The following BLM variants were observed in gnomAD, a reference collection of about 807,000 sequenced individuals.
BLM encodes the protein BLM RecQ like helicase.
In BLM, 95 loss-of-function variants were observed where a neutral mutation model predicts 135.3. That is an observed-to-expected ratio of 0.70 (90% CI 0.59 to 0.83). The LOEUF (loss-of-function observed/expected upper bound fraction) is 0.83. Among genes scored for constraint, BLM ranks in the 40% least tolerant of loss-of-function variants. The pLI is 0.00. For synonymous variants in BLM, 520 were observed against 589.2 expected (o/e 0.88, Z 1.70); for missense variants, 1,518 against 1,663.9 (o/e 0.91, Z 1.53).
chr15:90,722,333 T>A (rs1894791772), intron 1 of BLM, among the ~76,000 whole-genome samples: 4 of 152,012 alleles, frequency 2.6e-5, no homozygotes, highest in African/African-American at 9.7e-5. Flanking sequence ...ATGGTCTCGA[T>A]CTCCTGACCT....
chr15:90,799,626 T>TAAAAAAAAAAAAAAA (rs10600094), intron 17 of BLM, among the ~76,000 whole-genome samples: 1 of 108,746 alleles, frequency 9.2e-6, no homozygotes, highest in African/African-American at 3.7e-5. Context: ...AAGATGCCTG[T>TAAAAAAAAAAAAAAA]AAAAAAAAAA....
chr15:90,751,412 G>A (rs535163395), intron 3 of BLM, among the ~76,000 whole-genome samples: 1 of 152,178 alleles, frequency 6.6e-6, no homozygotes, highest in Non-Finnish European at 1.5e-5. Context: ...AAGATGATTT[G>A]TACAAGCAGC....
intron 17 of BLM, among the ~76,000 whole-genome samples, chr15:90,801,836 G>A (rs1446329563): frequency 6.6e-6 from 1 of 152,148 alleles, no homozygotes; most frequent in East Asian, 1.9e-4. Flanking sequence ...CAGACGGATT[G>A]CTTGAGCCCA....
Position 90,762,866 on chromosome 15 carries a change from G to A in BLM, c.1883-100G>A, listed in dbSNP as rs1448361809. ...AAGAGTTTAAGAACTGTGCTGCAGG[G>A]AAACGTGTGCCAGTGATTCTGCAGG... On this transcript the variant is annotated intron_variant, in intron 7 of 21. Coordinates refer to ENST00000355112, the MANE Select transcript of BLM (RefSeq NM_000057.4). The A allele has an allele frequency of 3.6e-6, 4 of 1,106,000 alleles. No homozygotes were observed. The South Asian group carries it at 4.3e-5, about 12-fold the overall frequency. 68.5% of individuals were successfully genotyped at this position (1,106,000 alleles called of 1,614,324 possible).
chr15:90,775,530 GTA>G (rs71939853), intron 12 of BLM, among the ~76,000 whole-genome samples: 12,985 of 148,068 alleles, frequency 0.088, 894 homozygotes, highest in African/African-American at 0.19. Flanking sequence ...GTGTGTGTGT[GTA>G]TTTTAGACCA....
intron 14 of BLM, among the ~76,000 whole-genome samples, chr15:90,788,124 G>C (rs1896801141): frequency 1.3e-5 from 2 of 152,072 alleles, no homozygotes; most frequent in Non-Finnish European, 2.9e-5. Flanking sequence ...AAATGGGGTG[G>C]GGTGGAAATT....
chr15:90,742,583 A>C (rs1294540865), intron 1 of BLM, among the ~76,000 whole-genome samples: 1 of 151,560 alleles, frequency 6.6e-6, no homozygotes, highest in Non-Finnish European at 1.5e-5. Context: ...GTTTTTCTCC[A>C]TCCCATGTCT....
intron 15 of BLM, among the ~76,000 whole-genome samples, chr15:90,792,128 G>C (rs1389646604): frequency 8.2e-6 from 1 of 121,720 alleles, no homozygotes; most frequent in Non-Finnish European, 1.6e-5. Flanking sequence ...TCTCGCTCTT[G>C]TTGCCTAGGC....
chr15:90,771,873 ATATT>A (rs965805685), intron 12 of BLM, among the ~76,000 whole-genome samples: 4 of 152,102 alleles, frequency 2.6e-5, no homozygotes, highest in Non-Finnish European at 4.4e-5. Context: ...AACAGTGTAC[ATATT>A]TATTTATTTA....
chr15:90,787,582 T>C (rs1896784758), intron 14 of BLM, among the ~76,000 whole-genome samples: 1 of 152,110 alleles, frequency 6.6e-6, no homozygotes, highest in Non-Finnish European at 1.5e-5. Context: ...GAGAAAGATA[T>C]AAGAAGACTT....
intron 1 of BLM, among the ~76,000 whole-genome samples, chr15:90,717,834 C>T (rs1378410829): frequency 6.6e-6 from 1 of 152,244 alleles, no homozygotes; most frequent in Non-Finnish European, 1.5e-5. Flanking sequence ...TGTACTTTTT[C>T]TGTGGCCTTC....
intron 12 of BLM, among the ~76,000 whole-genome samples, chr15:90,780,616 A>G (rs1474671692): frequency 6.6e-6 from 1 of 152,206 alleles, no homozygotes; most frequent in Non-Finnish European, 1.5e-5. Flanking sequence ...AGATTCACCC[A>G]ACTGTATATC....
intron 5 of BLM, among the ~76,000 whole-genome samples, chr15:90,757,042 A>T (rs1445383804): frequency 6.6e-6 from 1 of 152,200 alleles, no homozygotes; most frequent in Non-Finnish European, 1.5e-5. Context: ...CCAGTCTAGT[A>T]ATCCTTTTAA....
rs762713320 is a variant in BLM at position 90,749,786 on chromosome 15, C to A, written c.518C>A (p.Pro173His). The change falls in exon 3 of 22, where the codon CCC becomes CAC. Residue 173 changes from proline (P) to histidine (H), a missense_variant. Pro to His is a moderately conservative substitution (Grantham distance 77, BLOSUM62 -2). This residue lies in a region of BLM where 724 missense variants were observed against 756.9 expected (regional missense o/e 0.96). Coordinates refer to ENST00000355112, the MANE Select transcript of BLM (RefSeq NM_000057.4). ...ACTTCAAAATCATTTGTTACACCAC[C>A]CCAAAGTCACTTTGTAAGAGTAAGC... ...SETSKSFVTP[P>H]QSHFVRVSTA... 1 of 1,611,350 alleles carries A rather than the reference C, an allele frequency of 6.2e-7. No individual in the cohort carries two copies. Among genetic ancestry groups the A allele is most frequent in the Non-Finnish European group, 8.5e-7 (1 of 1,178,616 alleles).
chr15:90,783,347 T>C (rs1247688332), intron 13 of BLM, among the ~76,000 whole-genome samples: 1 of 152,154 alleles, frequency 6.6e-6, no homozygotes, highest in East Asian at 1.9e-4. Context: ...TGGAGAATAT[T>C]TTTGGTATTT....
At chr15:90,717,993 T>C (rs1338504947) in intron 1 of BLM, among the ~76,000 whole-genome samples, 2 of 152,228 alleles carry the variant, frequency 1.3e-5, no homozygotes, top group African/African-American at 4.8e-5. Flanking sequence ...GTTCGAATTC[T>C]GGCTCCTTCA....
In BLM at chr15:90,794,426, A is replaced by C. The variant is rs1262014941; in HGVS notation, c.3210+69A>C. 3.9e-6 allele frequency: 5 copies of C among 1,277,702 alleles called. No individual in the cohort carries two copies. The African/African-American group carries it at 7.6e-5, about 19-fold the overall frequency. The allele number at this position is 1,277,702 out of a possible 1,614,324, so 79.1% of individuals were successfully genotyped here. A position where few individuals can be genotyped will look rare whatever the true frequency, so the allele number is the denominator to read the frequency against. On this transcript the variant is annotated intron_variant, in intron 16 of 21. Transcript: ENST00000355112. ...TCTCTTACTTTAAAAATGTAGATAC[A>C]AATTAGATTGCAAAAGGTGGTCTCC...
At position 90,815,024 on chromosome 15, in the gene BLM, C is replaced by T; in HGVS notation, c.4077-78C>T. The T allele has an allele frequency of 1.4e-6, 2 of 1,407,130 alleles. No individual in the cohort carries two copies. Among genetic ancestry groups the T allele is most frequent in the Admixed American group, 1.8e-5 (1 of 55,284 alleles). 87.2% of individuals were successfully genotyped at this position (1,407,130 alleles called of 1,614,324 possible). ...TAGGCCCAGGGAAGTGGTATTGTAG[C>T]TCTGTGCAGGTTGAGAGGAAGGTCA... On this transcript the variant is annotated intron_variant, in intron 21 of 21. Coordinates refer to ENST00000355112, the MANE Select transcript of BLM (RefSeq NM_000057.4). The surrounding 1 kb of genome is among the most constrained non-coding windows in gnomAD (Gnocchi z 4.6).
At chr15:90,752,480 T>C (rs1463417775) in intron 4 of BLM, among the ~76,000 whole-genome samples, 2 of 152,214 alleles carry the variant, frequency 1.3e-5, no homozygotes, top group East Asian at 3.8e-4. Context: ...CCTGGCCTTA[T>C]ATAGTTGATT....
Sources: allele counts gnomAD v4.1 joint callset (sites outside exome capture counted in the v4.1 genomes callset), GRCh38; gene constraint gnomAD v4.1.1; regional missense constraint gnomAD v4.1.1; non-coding constraint Gnocchi (gnomAD v3.1); transcripts MANE v1.5; gene names NCBI Gene and HGNC (gene_info 2026-07-23, HGNC 2026-07-21).